Variants in SEMA3C observed in about 807,000 individuals in gnomAD.
The protein encoded by SEMA3C is semaphorin 3C.
SEMA3C carries 47 observed loss-of-function variants against 89.4 expected under a neutral mutation model. The observed-to-expected ratio is 0.53, with a 90% CI of 0.42 to 0.67. SEMA3C has a LOEUF of 0.67. Ranked by LOEUF, SEMA3C falls within the 30% of genes least tolerant of loss-of-function variation. SEMA3C has a pLI of 0.00. For missense variants in SEMA3C, 839 were observed against 929.1 expected (o/e 0.90, Z 1.26); for synonymous variants, 310 against 320.2 (o/e 0.97, Z 0.34).
In SEMA3C at chr7:80,840,519, A is replaced by T. The variant is rs1174528038; in HGVS notation, c.104-11774T>A. ...AGGTGACAGAGCACCTGTCTCCAGG[A>T]AAAAAAAAAAAAAAAAAAAAAAAAG... On this transcript the variant is annotated intron_variant, in intron 2 of 17. Transcript: ENST00000265361. Among the ~76,000 whole-genome samples, 6 of 64,408 alleles carry T rather than the reference A, an allele frequency of 9.3e-5. 1 individual carries two copies. Among genetic ancestry groups the T allele is most frequent in the African/African-American group, 3.8e-4 (6 of 15,780 alleles). The allele number at this position is 64,408 out of a possible 152,430, so 42.3% of individuals were successfully genotyped here.
chr7:80,842,475 C>A lies in SEMA3C; in HGVS notation c.104-13730G>T, dbSNP rs62460749. 1.9e-3 allele frequency among the ~76,000 whole-genome samples: 285 copies of A among 152,164 alleles called. 2 individuals are homozygous for A. Among genetic ancestry groups the A allele is most frequent in the South Asian group, 4.4e-3 (21 of 4,826 alleles). On this transcript the variant is annotated intron_variant, in intron 2 of 17. Coordinates refer to ENST00000265361, the MANE Select transcript of SEMA3C (RefSeq NM_006379.5). ...TATTTATTTTACAAAATGCTGCTAC[C>A]CCATTGAGACAAACATTAGCCATGA...
intron 12 of SEMA3C, among the ~76,000 whole-genome samples, chr7:80,765,637 C>T (rs927866238): frequency 1.3e-5 from 2 of 152,038 alleles, no homozygotes; most frequent in Admixed American, 6.6e-5. Context: ...AGTGCAGTGG[C>T]GTGATCTTGG....
intron 2 of SEMA3C, among the ~76,000 whole-genome samples, chr7:80,833,900 T>C (rs2115841566): frequency 6.6e-6 from 1 of 152,280 alleles, no homozygotes; most frequent in Non-Finnish European, 1.5e-5. Flanking sequence ...TCCAGTGAAT[T>C]GGCCACGGTT....
Position 80,756,722 on chromosome 7 carries a change from C to T in SEMA3C, c.1643+1609G>A, listed in dbSNP as rs538773100. ...ACTCCAGTATTAGAGATTTCTGGTC[C>T]CTCTTCCTGGAATGTTATTCTGCTA... On this transcript the variant is annotated intron_variant, in intron 15 of 17. Transcript: ENST00000265361. 7.2e-5 allele frequency among the ~76,000 whole-genome samples: 11 copies of T among 152,186 alleles called. No individual in the cohort carries two copies. In the South Asian group the frequency reaches 2.1e-3, roughly 29 times the overall value.
chr7:80,847,813 CA>C (rs1467046273), intron 2 of SEMA3C, among the ~76,000 whole-genome samples: 1 of 152,306 alleles, frequency 6.6e-6, no homozygotes, highest in East Asian at 1.9e-4. Context: ...GGCACAACAA[CA>C]ACCTTGTTCA....
chr7:80,774,542 A>G (rs1788503367), intron 12 of SEMA3C, among the ~76,000 whole-genome samples: 1 of 152,188 alleles, frequency 6.6e-6, no homozygotes, highest in South Asian at 2.1e-4. Flanking sequence ...CAAAATGGAA[A>G]TTTTAGAACT....
At chr7:80,910,806 C>T (rs1230055986) in intron 2 of SEMA3C, among the ~76,000 whole-genome samples, 5 of 150,426 alleles carry the variant, frequency 3.3e-5, no homozygotes, top group East Asian at 1.9e-4. Flanking sequence ...GAGTGTGTCT[C>T]GGTGCCATTT....
chr7:80,770,957 T>G (rs1788418703), intron 12 of SEMA3C, among the ~76,000 whole-genome samples: 1 of 152,230 alleles, frequency 6.6e-6, no homozygotes, highest in Non-Finnish European at 1.5e-5. Context: ...GGTTGTGAAG[T>G]AAGTTCCTGA....
intron 2 of SEMA3C, among the ~76,000 whole-genome samples, chr7:80,901,680 A>C (rs554604632): frequency 6.6e-6 from 1 of 152,180 alleles, no homozygotes; most frequent in African/African-American, 2.4e-5. Context: ...AAAATACACA[A>C]TGTCCTAGAA....
At position 80,749,024 on chromosome 7, in the gene SEMA3C, G is replaced by A; in HGVS notation, c.1716C>T (p.Tyr572=). The A allele has an allele frequency of 6.2e-7, 1 of 1,600,004 alleles. No individual in the cohort carries two copies. The highest frequency in any genetic ancestry group is 8.5e-7 in the Non-Finnish European group (1 of 1,175,216). The change falls in exon 17 of 18, where the codon TAC becomes TAT. Residue 572 remains tyrosine, a synonymous_variant. Coordinates refer to ENST00000265361, the MANE Select transcript of SEMA3C (RefSeq NM_006379.5). ...ACTGGACAATTTCAGCTGCATTTCT[G>A]TATGCTAGCAGGCAAAAATAAAAGG... ...TQCRGFNLKA[Y]RNAAEIVQYG...
At chr7:80,753,851 T>G (rs2117038165) in intron 15 of SEMA3C, among the ~76,000 whole-genome samples, 1 of 152,364 alleles carries the variant, frequency 6.6e-6, no homozygotes, top group East Asian at 1.9e-4. Context: ...ACTGCAATAT[T>G]TGATACAAAT....
chr7:80,907,304 G>A (rs911038514), intron 2 of SEMA3C, among the ~76,000 whole-genome samples: 6 of 151,962 alleles, frequency 3.9e-5, no homozygotes, highest in South Asian at 2.1e-4. Flanking sequence ...GCCCGACTCC[G>A]GAAAGTAACT....
chr7:80,755,342 A>G (rs973854660), intron 15 of SEMA3C, among the ~76,000 whole-genome samples: 1 of 150,130 alleles, frequency 6.7e-6, no homozygotes, highest in Non-Finnish European at 1.5e-5. Flanking sequence ...GAGCTAGCCC[A>G]TATTGAGCAT....
chr7:80,847,371 T>A lies in SEMA3C; in HGVS notation c.104-18626A>T, dbSNP rs139087433. 60 of 152,278 alleles carry A rather than the reference T, an allele frequency of 3.9e-4. 1 individual carries two copies. The East Asian group carries it at 9.7e-3, about 24-fold the overall frequency. The allele number at this position is 152,278 out of a possible 1,614,324, so 9.4% of individuals were successfully genotyped here. ...CTGTAGTATACAATAAGAGTAAATT[T>A]CCAGGTAAATAAACATTAATTCAGC... is the stretch of plus-strand genomic sequence containing the variant. On this transcript the variant is annotated intron_variant, in intron 2 of 17. Transcript: ENST00000265361.
chr7:80,857,693 C>T (rs1456092081), intron 2 of SEMA3C, among the ~76,000 whole-genome samples: 2 of 152,156 alleles, frequency 1.3e-5, no homozygotes, highest in Non-Finnish European at 2.9e-5. Context: ...TATTTCATTT[C>T]TCTAGACCCT....
chr7:80,754,947 G>GTTTTTTTCTGT (rs1788021510), intron 15 of SEMA3C, among the ~76,000 whole-genome samples: 9 of 13,146 alleles, frequency 6.8e-4, no homozygotes, highest in Non-Finnish European at 2.1e-3. Context: ...CTGGCGAATT[G>GTTTTTTTCTGT]TTTTTTTTTG....
chr7:80,884,401 A>G (rs960162093), intron 2 of SEMA3C, among the ~76,000 whole-genome samples: 1 of 152,174 alleles, frequency 6.6e-6, no homozygotes, highest in Non-Finnish European at 1.5e-5. Context: ...AAAATGTGAG[A>G]CCCTCATAAC....
At chr7:80,822,403 AAAT>A (rs1562891327) in intron 4 of SEMA3C, among the ~76,000 whole-genome samples, 1 of 128,868 alleles carries the variant, frequency 7.8e-6, no homozygotes, top group East Asian at 2.5e-4. Context: ...AAATAAAAAT[AAAT>A]AAATAAAAAT....
intron 2 of SEMA3C, among the ~76,000 whole-genome samples, chr7:80,868,689 C>T (rs927236116): frequency 1.3e-5 from 2 of 152,020 alleles, no homozygotes; most frequent in East Asian, 3.9e-4. Context: ...GAAATTCATA[C>T]CAAAATTTGT....
Sources: gnomAD v4.1 joint callset for allele counts (sites outside exome capture counted in the v4.1 genomes callset) on GRCh38, gnomAD v4.1.1 for gene constraint, MANE v1.5 for transcripts, NCBI Gene and HGNC (gene_info 2026-07-23, HGNC 2026-07-21) for gene names.